The following HIVEP1 variants were observed in gnomAD, a reference collection of about 807,000 sequenced individuals.
HIVEP1 encodes the protein HIVEP zinc finger 1.
A neutral mutation model predicts 180.0 loss-of-function variants in HIVEP1; 36 were observed. The ratio of observed to expected loss-of-function variants is 0.20; its 90% confidence interval spans 0.15 to 0.26. HIVEP1 has a LOEUF of 0.26. Among genes scored for constraint, HIVEP1 ranks in the 10% least tolerant of loss-of-function variants. HIVEP1 has a pLI of 1.00. For missense variants in HIVEP1, 3,143 were observed against 3,268.7 expected, an observed-to-expected ratio of 0.96 and a Z score of 0.94; for synonymous variants, 1,239 against 1,239.0, an observed-to-expected ratio of 1.00 and a Z score of 0.00.
chr6:12,148,753 C>G (rs1759518673), intron 7 of HIVEP1, among the ~76,000 whole-genome samples: 2 of 152,144 alleles, frequency 1.3e-5, no homozygotes, highest in African/African-American at 4.8e-5. Flanking sequence ...CTCTTTTATT[C>G]CAAACAGTGA....
At chr6:12,077,809 C>T (rs1395707382) in intron 2 of HIVEP1, among the ~76,000 whole-genome samples, 1 of 152,164 alleles carries the variant, frequency 6.6e-6, no homozygotes, top group Non-Finnish European at 1.5e-5. Flanking sequence ...TCTTCTTACT[C>T]AAGAGGGGGT....
chr6:12,053,503 A>T (rs1222748572), intron 2 of HIVEP1, among the ~76,000 whole-genome samples: 3 of 152,212 alleles, frequency 2.0e-5, no homozygotes, highest in African/African-American at 7.2e-5. Flanking sequence ...GACAAAAAAA[A>T]CATAAATAGG....
At chr6:12,187,050 T>C in the HIVEP1 span, among the ~76,000 whole-genome samples, 5 of 151,966 alleles carry the variant, frequency 3.3e-5, no homozygotes, top group African/African-American at 1.2e-4. Flanking sequence ...AACTTAAATA[T>C]AGAGCAAGAG....
the HIVEP1 span, among the ~76,000 whole-genome samples, chr6:12,192,716 C>T: frequency 6.6e-6 from 1 of 152,160 alleles, no homozygotes; most frequent in Non-Finnish European, 1.5e-5. Context: ...AGCCATGCTT[C>T]CAGTACAATC....
rs1423830264 is a variant in HIVEP1, at chr6:12,128,802, C to T, written c.6076-957C>T. Among the ~76,000 whole-genome samples, 6 of 152,242 alleles carry T rather than the reference C, an allele frequency of 3.9e-5. No individual in the cohort carries two copies. In the East Asian group the frequency reaches 5.8e-4, roughly 15 times the overall value. On this transcript the variant is annotated intron_variant, in intron 4 of 8. Coordinates refer to ENST00000379388, the MANE Select transcript of HIVEP1 (RefSeq NM_002114.4). ...ACATCGTTTATCATTTTGATTTTGACGTTCGTTACCTTTTTTCCAGAGACT... is the reference window on the plus strand; with the variant it reads ...ACATCGTTTATCATTTTGATTTTGATGTTCGTTACCTTTTTTCCAGAGACT...
At chr6:12,139,733 G>T (rs551479963) in intron 7 of HIVEP1, among the ~76,000 whole-genome samples, 48 of 152,330 alleles carry the variant, frequency 3.2e-4, no homozygotes, top group Non-Finnish European at 3.5e-4. Context: ...CTTGCTCACT[G>T]CTAGCACAGC....
At chr6:12,207,327 TC>T in the HIVEP1 span, among the ~76,000 whole-genome samples, 2 of 152,232 alleles carry the variant, frequency 1.3e-5, no homozygotes, top group Non-Finnish European at 2.9e-5. Context: ...TCAGGAACCA[TC>T]TTTATTCATT....
intron 2 of HIVEP1, among the ~76,000 whole-genome samples, chr6:12,067,447 A>G (rs1230630983): frequency 1.3e-5 from 2 of 152,230 alleles, no homozygotes; most frequent in East Asian, 1.9e-4. Context: ...TACAGAAATA[A>G]TAATAAGGAC....
At chr6:12,034,269 C>T (rs1769138659) in intron 2 of HIVEP1, among the ~76,000 whole-genome samples, 1 of 152,174 alleles carries the variant, frequency 6.6e-6, no homozygotes, top group Admixed American at 6.5e-5. Flanking sequence ...TGAGGCTGGT[C>T]TGTAACAGAT....
intron 3 of HIVEP1, among the ~76,000 whole-genome samples, chr6:12,107,841 T>C (rs183871089): frequency 3.9e-5 from 6 of 152,288 alleles, no homozygotes; most frequent in African/African-American, 1.2e-4. Flanking sequence ...TCCTGCTGAT[T>C]GGTAGAGCTG....
intron 3 of HIVEP1, among the ~76,000 whole-genome samples, chr6:12,110,066 A>T (rs891936743): frequency 1.3e-5 from 2 of 152,146 alleles, no homozygotes; most frequent in African/African-American, 4.8e-5. Flanking sequence ...AAAGAAATCT[A>T]TTTTTTCTGA....
chr6:12,198,157 C>T, the HIVEP1 span, among the ~76,000 whole-genome samples: 1 of 152,002 alleles, frequency 6.6e-6, no homozygotes, highest in Non-Finnish European at 1.5e-5. Context: ...GCAGGCTGGG[C>T]TAGAGACCAT....
At position 12,123,688 on chromosome 6, in the gene HIVEP1, T is replaced by G. The variant is rs1218277101; in HGVS notation, c.3893T>G (p.Phe1298Cys). ...GAACATTCCTCAACAGAATCGAGCT[T>G]TGATTCCACTCTCTCCAGGAGTCTA... Reference protein sequence around the residue: ...EIEHSSTESSFDSTLSRSLSR... With the variant: ...EIEHSSTESSCDSTLSRSLSR... The change falls in exon 4 of 9, where the codon TTT becomes TGT. Residue 1298 changes from phenylalanine to cysteine, a missense_variant. This residue lies in a region of HIVEP1 where 1,357 missense variants were observed against 1,260.5 expected (regional missense o/e 1.08). Transcript: ENST00000379388. 1 of 1,613,978 alleles carries G rather than the reference T, an allele frequency of 6.2e-7. No homozygotes were observed. The highest frequency in any genetic ancestry group is 8.5e-7 in the Non-Finnish European group (1 of 1,179,988).
chr6:12,042,231 C>T (rs1407480417), intron 2 of HIVEP1, among the ~76,000 whole-genome samples: 1 of 150,546 alleles, frequency 6.6e-6, no homozygotes, highest in African/African-American at 2.5e-5. Context: ...AGGCGCCCGC[C>T]ACCGCGCCTG....
In HIVEP1 at chr6:12,164,197, T is replaced by G; in HGVS notation, c.7893T>G (p.Ser2631Arg). 1 of 1,614,050 alleles carries G rather than the reference T, an allele frequency of 6.2e-7. No individual in the cohort carries two copies. The highest frequency in any genetic ancestry group is 8.5e-7 in the Non-Finnish European group (1 of 1,180,010). The change falls in exon 9 of 9, where the codon AGT (serine) becomes AGG (arginine). Residue 2631 changes from serine (S) to arginine (R), a missense_variant. Physicochemically the swap from Ser to Arg is moderately radical, Grantham distance 110 (BLOSUM62 -1). This residue lies in a region of HIVEP1 where 595 missense variants were observed against 602.2 expected (regional missense o/e 0.99). Coordinates refer to ENST00000379388, the MANE Select transcript of HIVEP1 (RefSeq NM_002114.4). ...ACCATGCAAGGCTTGATGGCCTGAG[T>G]AAAATGGACACAGAGAAGGCTGCCT... ...AGDHARLDGL[S>R]KMDTEKAASA...
In HIVEP1 at chr6:12,163,286, C is replaced by T; in HGVS notation, c.6982C>T (p.Pro2328Ser). Residue 2328 changes from proline to serine, a missense_variant, in exon 9 of 9, where the codon CCA (proline) becomes TCA (serine). This residue lies in a region of HIVEP1 where 595 missense variants were observed against 602.2 expected (regional missense o/e 0.99). Coordinates refer to ENST00000379388, the MANE Select transcript of HIVEP1 (RefSeq NM_002114.4). ...ATTGCTCTCTCTTGTCATTTAGAGC[C>T]CATCATCTGTAAGACTTCCTCCTGC... ...AGKAVAITQS[P>S]SSVRLPPAAA... The T allele has an allele frequency of 6.2e-7, 1 of 1,612,054 alleles. No individual in the cohort carries two copies. Among genetic ancestry groups the T allele is most frequent in the Non-Finnish European group, 8.5e-7 (1 of 1,178,642 alleles).
At chr6:12,022,126 G>A (rs1002623226) in intron 2 of HIVEP1, among the ~76,000 whole-genome samples, 1 of 152,042 alleles carries the variant, frequency 6.6e-6, no homozygotes, top group Non-Finnish European at 1.5e-5. Context: ...GATAAACCAG[G>A]TGGTTATTGT....
chr6:12,055,293 T>G (rs1193622989), intron 2 of HIVEP1, among the ~76,000 whole-genome samples: 2 of 152,054 alleles, frequency 1.3e-5, no homozygotes, highest in Admixed American at 1.3e-4. Flanking sequence ...GCCAACACGG[T>G]GAAACTCCGT....
intron 2 of HIVEP1, among the ~76,000 whole-genome samples, chr6:12,082,881 G>A (rs1772879279): frequency 6.6e-6 from 1 of 152,102 alleles, no homozygotes; most frequent in Non-Finnish European, 1.5e-5. Flanking sequence ...ATGTTTCCAT[G>A]TTTTAGGAAT....
Sources: gnomAD v4.1 joint callset for allele counts (sites outside exome capture counted in the v4.1 genomes callset) on GRCh38, gnomAD v4.1.1 for gene constraint, gnomAD v4.1.1 regional missense constraint, MANE v1.5 for transcripts, NCBI Gene and HGNC (gene_info 2026-07-23, HGNC 2026-07-21) for gene names.